SNX4: variants seen among roughly 807,000 people sequenced by gnomAD.
The protein encoded by SNX4 is sorting nexin 4.
A neutral mutation model predicts 70.8 loss-of-function variants in SNX4; 49 were observed. The observed-to-expected ratio is 0.69, with a 90% CI of 0.55 to 0.88. The LOEUF is 0.88. Ranked by LOEUF, SNX4 falls within the 40% of genes least tolerant of loss-of-function variation. The pLI is 0.00. For synonymous variants in SNX4, 206 were observed against 183.8 expected, an observed-to-expected ratio of 1.12 and a Z score of -0.98; for missense variants, 528 against 544.8, an observed-to-expected ratio of 0.97 and a Z score of 0.31.
At chr3:125,469,031 T>C (rs1013211687) in intron 9 of SNX4, among the ~76,000 whole-genome samples, 3 of 152,196 alleles carry the variant, frequency 2.0e-5, no homozygotes, top group Non-Finnish European at 4.4e-5. Flanking sequence ...GTACAATGTT[T>C]ACTAAAAGCG....
In SNX4 at chr3:125,498,087, A is replaced by G; in HGVS notation, c.371T>C (p.Ile124Thr). The G allele has an allele frequency of 1.2e-6, 2 of 1,614,188 alleles. No homozygotes were observed. Among genetic ancestry groups the G allele is most frequent in the Middle Eastern group, 1.6e-4 (1 of 6,062 alleles). Residue 124 changes from isoleucine to threonine, a missense_variant, in exon 3 of 14, where the codon ATT (isoleucine) becomes ACT (threonine). Transcript: ENST00000251775. ...TTTTTCTGGCAGAGGTGGCACAACAATATGTGGATAGTAAACTAAAAGGTA... is the reference window on the plus strand; with the variant it reads ...TTTTTCTGGCAGAGGTGGCACAACAGTATGTGGATAGTAAACTAAAAGGTA... ...RSYLLVYYPH[I>T]VVPPLPEKRA...
At chr3:125,518,267 TG>T (rs1033854089) in intron 1 of SNX4, among the ~76,000 whole-genome samples, 2 of 152,032 alleles carry the variant, frequency 1.3e-5, no homozygotes, top group Non-Finnish European at 2.9e-5. Context: ...AAGGCAAGTC[TG>T]GGCAACACAG....
intron 1 of SNX4, among the ~76,000 whole-genome samples, chr3:125,512,764 T>C (rs1935195427): frequency 2.9e-5 from 4 of 137,940 alleles, no homozygotes; most frequent in Admixed American, 1.5e-4. Context: ...GGTCAACAGA[T>C]ACAACAACTT....
chr3:125,504,370 C>T (rs187094185), intron 2 of SNX4, among the ~76,000 whole-genome samples: 57 of 150,304 alleles, frequency 3.8e-4, no homozygotes, highest in African/African-American at 1.2e-3. Flanking sequence ...TGGTGGCTCA[C>T]GCCTGTATGC....
intron 6 of SNX4, among the ~76,000 whole-genome samples, chr3:125,481,152 G>C (rs528519329): frequency 7.9e-5 from 12 of 152,258 alleles, no homozygotes; most frequent in Non-Finnish European, 1.5e-5. Flanking sequence ...CAGCCTATGA[G>C]AATCTAGCTT....
In SNX4 at chr3:125,460,658, T is replaced by C. The variant is rs908309222; in HGVS notation, c.944+113A>G. On this transcript the variant is annotated intron_variant, in intron 10 of 13. Transcript: ENST00000251775. ...AAATACAATGAGACCTCATTCATTA[T>C]CTGAGGGAATGCATTCATTTAAAAA... The C allele has an allele frequency of 8.2e-6, 4 of 486,320 alleles. No individual in the cohort carries two copies. The Admixed American group carries it at 1.7e-4, about 20-fold the overall frequency. 30.1% of individuals were successfully genotyped at this position (486,320 alleles called of 1,614,324 possible). A position where few individuals can be genotyped will look rare whatever the true frequency, so the allele number is the denominator to read the frequency against.
chr3:125,499,342 A>T (rs1001335738), intron 2 of SNX4, among the ~76,000 whole-genome samples: 2 of 152,224 alleles, frequency 1.3e-5, no homozygotes, highest in African/African-American at 4.8e-5. Context: ...ACATTAGGAC[A>T]AAAAGTCACA....
intron 9 of SNX4, among the ~76,000 whole-genome samples, chr3:125,466,907 T>A (rs1226421919): frequency 1.4e-5 from 2 of 146,438 alleles, no homozygotes. Context: ...ATATGGCAAA[T>A]CCCCGTCTCT....
At position 125,467,655 on chromosome 3, in the gene SNX4, T is replaced by C. The variant is rs569249555; in HGVS notation, c.854+1799A>G. On this transcript the variant is annotated intron_variant, in intron 9 of 13. Transcript: ENST00000251775. ...CTTGAACTCCTAGGCTCAAGAGATC[T>C]GCCCACCTCAGCCTTCTACAGTGCT... Among the ~76,000 whole-genome samples the C allele has an allele frequency of 3.0e-4, 45 of 152,270 alleles. 2 individuals are homozygous for C. In the South Asian group the frequency reaches 9.1e-3, roughly 31 times the overall value.
At position 125,492,257 on chromosome 3, in the gene SNX4, C is replaced by G. The variant is rs550032018; in HGVS notation, c.598-2794G>C. 3.9e-5 allele frequency among the ~76,000 whole-genome samples: 6 copies of G among 152,262 alleles called. No individual in the cohort carries two copies. The South Asian group carries it at 1.2e-3, about 32-fold the overall frequency. ...CATTACCTAGTAAAGCACACCCAGTCTGGGCCTCCCTCTGAAGGAGCATTC... is the reference window on the plus strand; with the variant it reads ...CATTACCTAGTAAAGCACACCCAGTGTGGGCCTCCCTCTGAAGGAGCATTC... On this transcript the variant is annotated intron_variant, in intron 5 of 13. Coordinates refer to ENST00000251775, the MANE Select transcript of SNX4 (RefSeq NM_003794.4).
intron 1 of SNX4, among the ~76,000 whole-genome samples, chr3:125,519,662 C>T (rs1935356983): frequency 6.6e-6 from 1 of 152,124 alleles, no homozygotes; most frequent in Non-Finnish European, 1.5e-5. Flanking sequence ...GCGTTCTTCT[C>T]ACGGTCCAGA....
intron 1 of SNX4, among the ~76,000 whole-genome samples, chr3:125,513,352 T>C (rs1935210116): frequency 6.6e-6 from 1 of 152,250 alleles, no homozygotes; most frequent in Non-Finnish European, 1.5e-5. Flanking sequence ...TCATTGCTAT[T>C]GTTTATAAGC....
intron 5 of SNX4, among the ~76,000 whole-genome samples, chr3:125,490,524 CAA>C (rs1173858739): frequency 4.1e-5 from 2 of 48,900 alleles, no homozygotes; most frequent in African/African-American, 7.4e-5. Flanking sequence ...ACTCTGTCTC[CAA>C]AAAAAAAAAA....
At chr3:125,516,602 A>G (rs996428984) in intron 1 of SNX4, among the ~76,000 whole-genome samples, 2 of 152,176 alleles carry the variant, frequency 1.3e-5, no homozygotes, top group African/African-American at 4.8e-5. Context: ...GCACTTTGGG[A>G]GGCTGAGGTG....
At chr3:125,494,934 G>A (rs531167792) in intron 5 of SNX4, among the ~76,000 whole-genome samples, 9 of 152,060 alleles carry the variant, frequency 5.9e-5, no homozygotes, top group South Asian at 2.1e-4. Context: ...CTCCTTTTCC[G>A]CTATCAGGCT....
At position 125,464,141 on chromosome 3, in the gene SNX4, A is replaced by T. The variant is rs184964713; in HGVS notation, c.855-3281T>A. Among the ~76,000 whole-genome samples the T allele has an allele frequency of 2.6e-5, 4 of 152,292 alleles. No individual in the cohort carries two copies. In the East Asian group the frequency reaches 5.8e-4, roughly 22 times the overall value. On this transcript the variant is annotated intron_variant, in intron 9 of 13. Coordinates refer to ENST00000251775, the MANE Select transcript of SNX4 (RefSeq NM_003794.4). ...TACAACTCAGTGGTATTAAGTATAT[A>T]TACACTGTTGCATAATCATTACCAC...
chr3:125,518,455 C>T (rs972555951), intron 1 of SNX4, among the ~76,000 whole-genome samples: 10 of 151,666 alleles, frequency 6.6e-5, no homozygotes, highest in African/African-American at 2.4e-4. Flanking sequence ...GAGTGAGAAC[C>T]TGTCTCAAAG....
intron 5 of SNX4, among the ~76,000 whole-genome samples, chr3:125,489,795 G>C (rs1934610977): frequency 6.6e-6 from 1 of 152,172 alleles, no homozygotes; most frequent in Non-Finnish European, 1.5e-5. Context: ...TCTAGGCCAA[G>C]AAAGGCAATG....
intron 9 of SNX4, among the ~76,000 whole-genome samples, chr3:125,461,334 G>A (rs77024470): frequency 7.8e-4 from 119 of 152,264 alleles, no homozygotes; most frequent in African/African-American, 2.7e-3. Context: ...GAGAATTAGC[G>A]TTTAGAATCA....
Sources: gnomAD v4.1 joint callset for allele counts (sites outside exome capture counted in the v4.1 genomes callset) on GRCh38, gnomAD v4.1.1 for gene constraint, MANE v1.5 for transcripts, NCBI Gene and HGNC (gene_info 2026-07-23, HGNC 2026-07-21) for gene names.